The following PCBP3 variants were observed in gnomAD, a reference collection of about 807,000 sequenced individuals.
PCBP3 encodes poly(rC)-binding protein 3.
In PCBP3, 25 loss-of-function variants were observed where a neutral mutation model predicts 52.7. That is an observed-to-expected ratio of 0.47 (90% CI 0.35 to 0.66). PCBP3 has a LOEUF of 0.66. PCBP3 is among the 30% of genes least tolerant of loss of function. The probability of loss-of-function intolerance (pLI) is 0.01; values close to 1 mark genes in which losing one functional copy is unlikely to be tolerated. For synonymous variants in PCBP3, 162 were observed against 183.0 expected (o/e 0.89, Z 0.93); for missense variants, 391 against 490.3 (o/e 0.80, Z 1.91).
In PCBP3 at chr21:45,865,329, C is replaced by A. The variant is rs535394647; in HGVS notation, c.10+15234C>A. Among the ~76,000 whole-genome samples the A allele has an allele frequency of 2.0e-5, 3 of 152,288 alleles. No homozygotes were observed. In the South Asian group the frequency reaches 6.2e-4, roughly 32 times the overall value. ...TAAAAAATTACAAAATCGTAGCCCACCCCCAGTCGCCTTTAGGGGAGAATG... is the reference window on the plus strand; with the variant it reads ...TAAAAAATTACAAAATCGTAGCCCAACCCCAGTCGCCTTTAGGGGAGAATG... On this transcript the variant is annotated intron_variant, in intron 5 of 17. Transcript: ENST00000681687.
chr21:45,892,592 T>C (rs1261922806), intron 5 of PCBP3, among the ~76,000 whole-genome samples: 1 of 152,092 alleles, frequency 6.6e-6, no homozygotes, highest in African/African-American at 2.4e-5. Context: ...AGGCATGGTC[T>C]GTGCGGCAGG....
intron 4 of PCBP3, among the ~76,000 whole-genome samples, chr21:45,803,164 C>G (rs1569243630): frequency 6.6e-6 from 1 of 152,228 alleles, no homozygotes; most frequent in Non-Finnish European, 1.5e-5. Flanking sequence ...CCCCTCCTCA[C>G]TTTCTCAGCA....
At chr21:45,884,040 C>A (rs1432495893) in intron 5 of PCBP3, among the ~76,000 whole-genome samples, 1 of 151,982 alleles carries the variant, frequency 6.6e-6, no homozygotes, top group Non-Finnish European at 1.5e-5. Context: ...CTGAAGTGAT[C>A]CCCCCACCCC....
chr21:45,650,993 C>T (rs990532384), intron 1 of PCBP3, among the ~76,000 whole-genome samples: 2 of 152,086 alleles, frequency 1.3e-5, no homozygotes, highest in Admixed American at 1.3e-4. Context: ...CAAATTTTGT[C>T]AATAATCTTG....
chr21:45,935,029 G>A (rs1306446267), intron 15 of PCBP3, among the ~76,000 whole-genome samples: 2 of 152,212 alleles, frequency 1.3e-5, no homozygotes, highest in African/African-American at 4.8e-5. Context: ...GTCCTGCTTG[G>A]GTTTCTCTTT....
At chr21:45,766,736 C>T (rs994408732) in intron 4 of PCBP3, among the ~76,000 whole-genome samples, 5 of 152,308 alleles carry the variant, frequency 3.3e-5, no homozygotes, top group Admixed American at 1.3e-4. Context: ...GGGAAGAGGC[C>T]GATTTCCTCT....
chr21:45,724,870 C>T lies in PCBP3; in HGVS notation c.-199-10522C>T, dbSNP rs186777474. 3.0e-3 allele frequency among the ~76,000 whole-genome samples: 450 copies of T among 152,214 alleles called. 1 individual carries two copies. The highest frequency in any genetic ancestry group is 1.0e-2 in the African/African-American group (414 of 41,538). ...GGCCTCTCTGTGAGGGAGGCACTGA[C>T]TCTCAGGAGATGCTGTCATTGGGAT... On this transcript the variant is annotated intron_variant, in intron 2 of 17. Transcript: ENST00000681687. The surrounding 1 kb of genome is among the most constrained non-coding windows in gnomAD (Gnocchi z 5.3).
At chr21:45,794,212 A>G (rs1056837954) in intron 4 of PCBP3, among the ~76,000 whole-genome samples, 5 of 152,216 alleles carry the variant, frequency 3.3e-5, no homozygotes, top group African/African-American at 9.7e-5. Context: ...ATGATTTACA[A>G]GGAACCATTG....
chr21:45,844,103 C>T (rs1413950054), intron 4 of PCBP3, among the ~76,000 whole-genome samples: 1 of 152,086 alleles, frequency 6.6e-6, no homozygotes, highest in Non-Finnish European at 1.5e-5. Context: ...CTCAGTGTTT[C>T]TACCCAAAAT....
chr21:45,888,013 A>G (rs1003619830), intron 5 of PCBP3, among the ~76,000 whole-genome samples: 2 of 152,162 alleles, frequency 1.3e-5, no homozygotes, highest in African/African-American at 2.4e-5. Context: ...CTGCTGACCC[A>G]TGGGCATTTC....
chr21:45,759,400 G>A (rs958411639), intron 4 of PCBP3, among the ~76,000 whole-genome samples: 18 of 150,918 alleles, frequency 1.2e-4, no homozygotes, highest in African/African-American at 3.9e-4. Flanking sequence ...GATATCATCC[G>A]GAACAGCTTC....
intron 1 of PCBP3, among the ~76,000 whole-genome samples, chr21:45,658,301 G>T (rs1280446445): frequency 1.3e-5 from 2 of 152,088 alleles, no homozygotes; most frequent in Admixed American, 6.6e-5. Flanking sequence ...GGTTTTGCAA[G>T]TGTTTTGTTG....
intron 2 of PCBP3, among the ~76,000 whole-genome samples, chr21:45,670,286 C>T (rs986242238): frequency 8.6e-5 from 13 of 152,024 alleles, no homozygotes; most frequent in Admixed American, 8.5e-4. Context: ...GGTCATTTGC[C>T]AGATTTTTAA....
At chr21:45,667,643 A>T (rs2080893338) in intron 1 of PCBP3, among the ~76,000 whole-genome samples, 1 of 152,154 alleles carries the variant, frequency 6.6e-6, no homozygotes, top group African/African-American at 2.4e-5. Flanking sequence ...GGTTATGTAA[A>T]GTCCAACACT....
chr21:45,822,606 A>G (rs1369153936), intron 4 of PCBP3, among the ~76,000 whole-genome samples: 2 of 142,132 alleles, frequency 1.4e-5, no homozygotes, highest in African/African-American at 6.0e-5. Flanking sequence ...GACCCAGCAC[A>G]GGATAGGGCC....
chr21:45,742,573 C>G (rs56012600), intron 3 of PCBP3, among the ~76,000 whole-genome samples: 1 of 152,010 alleles, frequency 6.6e-6, no homozygotes, highest in Non-Finnish European at 1.5e-5. Context: ...GTTGTGATGT[C>G]GTCTCTTATT....
At chr21:45,889,212 G>A (rs1443178318) in intron 5 of PCBP3, among the ~76,000 whole-genome samples, 6 of 152,208 alleles carry the variant, frequency 3.9e-5, no homozygotes, top group Non-Finnish European at 7.3e-5. Context: ...CTTCAGAGAC[G>A]GTGGAGTGGA....
chr21:45,812,448 C>T (rs940714887), intron 4 of PCBP3, among the ~76,000 whole-genome samples: 1 of 152,180 alleles, frequency 6.6e-6, no homozygotes, highest in African/African-American at 2.4e-5. Flanking sequence ...CTCTGTTGTG[C>T]AGGCTGGAGT....
At position 45,917,574 on chromosome 21, in the gene PCBP3, C is replaced by A; in HGVS notation, c.676-14C>A. 1 of 1,595,174 alleles carries A rather than the reference C, an allele frequency of 6.3e-7. No individual in the cohort carries two copies. The highest frequency in any genetic ancestry group is 8.6e-7 in the Non-Finnish European group (1 of 1,165,108). ...GCCAGGTTGCAGTCTGACGGGGTCT[C>A]TCTCTCTCTCTAGGCCTACACAATC... On this transcript the variant is annotated splice_polypyrimidine_tract_variant and intron_variant, in intron 12 of 17. Transcript: ENST00000681687. This position sits in a 1 kb window ranked among gnomAD's most constrained non-coding sequence, Gnocchi z 5.3.
Sources: gnomAD v4.1 joint callset for allele counts (sites outside exome capture counted in the v4.1 genomes callset) on GRCh38, gnomAD v4.1.1 for gene constraint, Gnocchi (gnomAD v3.1) non-coding constraint, MANE v1.5 for transcripts, NCBI Gene and HGNC (gene_info 2026-07-23, HGNC 2026-07-21) for gene names.